NEMP1: variants seen among roughly 807,000 people sequenced by gnomAD.
NEMP1 encodes transmembrane protein 194.
Under a neutral mutation model 53.7 loss-of-function variants are expected in NEMP1, and 29 were observed. That is an observed-to-expected ratio of 0.54 (90% CI 0.40 to 0.74). The LOEUF (loss-of-function observed/expected upper bound fraction) is 0.74. Among genes scored for constraint, NEMP1 ranks in the 30% least tolerant of loss-of-function variants. The probability of loss-of-function intolerance (pLI) is 0.00; values close to 1 mark genes in which losing one functional copy is unlikely to be tolerated. For synonymous variants in NEMP1, 193 were observed against 192.9 expected (o/e 1.00, Z 0.00); for missense variants, 477 against 528.6 (o/e 0.90, Z 0.96).
At position 57,084,220 on chromosome 12, in the gene NEMP1, C is replaced by T. The variant is rs1286254534; in HGVS notation, n.113+3731G>A. 6.6e-5 allele frequency among the ~76,000 whole-genome samples: 10 copies of T among 152,182 alleles called. No individual in the cohort carries two copies. The East Asian group carries it at 1.9e-3, about 29-fold the overall frequency. On this transcript the variant is annotated intron_variant and non_coding_transcript_variant, in intron 1 of 2. Transcript: ENST00000553654. ...CAGGTGATCCACCCACCTCAGCCTC[C>T]CAAAGTGCTGAGATTAAGGGCATAA...
intron 2 of NEMP1, among the ~76,000 whole-genome samples, chr12:57,072,217 C>G (rs1421769358): frequency 2.0e-5 from 3 of 152,134 alleles, no homozygotes; most frequent in Non-Finnish European, 4.4e-5. Context: ...GTGGGCAGAT[C>G]ACCTGAGGGC....
At chr12:57,068,659 G>A (rs911979787) in intron 4 of NEMP1, among the ~76,000 whole-genome samples, 1 of 152,062 alleles carries the variant, frequency 6.6e-6, no homozygotes, top group Non-Finnish European at 1.5e-5. Context: ...TCCACCTCCT[G>A]GGTTCACGCC....
rs748932679 is a variant in NEMP1 at position 57,059,032 on chromosome 12, T to C, written c.*847A>G. The C allele has an allele frequency of 6.6e-6, 1 of 152,192 alleles. No individual in the cohort carries two copies. Among genetic ancestry groups the C allele is most frequent in the Non-Finnish European group, 1.5e-5 (1 of 68,036 alleles). The allele number at this position is 152,192 out of a possible 1,614,324, so 9.4% of individuals were successfully genotyped here. On this transcript the variant is annotated 3_prime_UTR_variant, in exon 9 of 9. Transcript: ENST00000300128. ...GTTCACAGGTAAGGGAACTGACCCT[T>C]CCTGAAAGGGCAAAGGCAGGGTAAG...
At chr12:57,086,368 GGTCT>G (rs2032992178) in intron 1 of NEMP1, among the ~76,000 whole-genome samples, 1 of 152,118 alleles carries the variant, frequency 6.6e-6, no homozygotes, top group South Asian at 2.1e-4. Context: ...CAGTTCCTCT[GGTCT>G]GTCTTTGAGA....
At chr12:57,083,436 T>C (rs965641664), upstream of NEMP1, among the ~76,000 whole-genome samples, 1 of 152,212 alleles carries the variant, frequency 6.6e-6, no homozygotes, top group Non-Finnish European at 1.5e-5. Flanking sequence ...TGCAGGTGGA[T>C]TGGATTTATG....
intron 2 of NEMP1, among the ~76,000 whole-genome samples, chr12:57,072,371 C>T (rs1217379356): frequency 1.3e-5 from 2 of 152,098 alleles, no homozygotes; most frequent in East Asian, 3.8e-4. Flanking sequence ...ACCCGGGAGG[C>T]AGAGATTGCA....
upstream of NEMP1, among the ~76,000 whole-genome samples, chr12:57,083,131 T>A (rs73118416): frequency 0.099 from 15,068 of 152,254 alleles, 774 homozygotes; most frequent in East Asian, 0.19. Context: ...CATTTTTTTT[T>A]ATCAGGCCCC....
Position 57,055,758 on chromosome 12 carries a change from CAA to C in NEMP1, c.*4119_*4120del, listed in dbSNP as rs1476775663. 1 of 152,150 alleles carries C rather than the reference CAA, an allele frequency of 6.6e-6. No individual in the cohort carries two copies. The highest frequency in any genetic ancestry group is 2.4e-5 in the African/African-American group (1 of 41,430). The allele number at this position is 152,150 out of a possible 1,614,324, so 9.4% of individuals were successfully genotyped here. A position where few individuals can be genotyped will look rare whatever the true frequency, so the allele number is the denominator to read the frequency against. On this transcript the variant is annotated 3_prime_UTR_variant, in exon 9 of 9. Transcript: ENST00000300128. Reference sequence around the variant, plus strand: ...AAGAGGGTGAAAATAAGACCCATGGCAAAGAGCCATCCCTGATAATTTTGTTC... The same window carrying C: ...AAGAGGGTGAAAATAAGACCCATGGCAGAGCCATCCCTGATAATTTTGTTC...
intron 1 of NEMP1, among the ~76,000 whole-genome samples, chr12:57,073,404 C>G (rs901844912): frequency 9.9e-5 from 15 of 152,124 alleles, no homozygotes; most frequent in Admixed American, 6.5e-4. Context: ...CTTTGGGAGG[C>G]TGAGGTGGGC....
chr12:57,064,228 C>A, intron 5 of NEMP1, 43 bp from the exon 6 acceptor site: 1 of 1,294,434 alleles, frequency 7.7e-7, no homozygotes, highest in Non-Finnish European at 1.1e-6. Context: ...TTACAACAGG[C>A]TTTCCATACA....
At position 57,058,902 on chromosome 12, in the gene NEMP1, T is replaced by C. The variant is rs1404241908; in HGVS notation, c.*977A>G. On this transcript the variant is annotated 3_prime_UTR_variant, in exon 9 of 9. Transcript: ENST00000300128. The stretch of plus-strand genomic sequence containing the variant: ...ATTTCATAGCAACTCAAAGATAACA[T>C]GACCCAATGACAGGAAAATGGAGAA... The C allele has an allele frequency of 6.6e-6, 1 of 152,110 alleles. No homozygotes were observed. The highest frequency in any genetic ancestry group is 1.5e-5 in the Non-Finnish European group (1 of 68,030). 9.4% of individuals were successfully genotyped at this position (152,110 alleles called of 1,614,324 possible). A position where few individuals can be genotyped will look rare whatever the true frequency, so the allele number is the denominator to read the frequency against.
Position 57,064,641 on chromosome 12 carries a change from C to A in NEMP1, c.639+5G>T. 1 of 1,599,272 alleles carries A rather than the reference C, an allele frequency of 6.3e-7. No homozygotes were observed. Among genetic ancestry groups the A allele is most frequent in the Non-Finnish European group, 8.5e-7 (1 of 1,170,924 alleles). On this transcript the variant is annotated splice_donor_5th_base_variant and intron_variant, in intron 5 of 8. Transcript: ENST00000300128. ...CTAGCTGCACATGAAGATTCTGATA[C>A]TTACCTTAGGCATAAACTTAGATAG...
chr12:57,084,111 C>T (rs1240250635), intron 1 of NEMP1, among the ~76,000 whole-genome samples: 1 of 152,192 alleles, frequency 6.6e-6, no homozygotes, highest in Non-Finnish European at 1.5e-5. Flanking sequence ...TACAGGCATG[C>T]GCCACCACGC....
rs1267017656 is a variant in NEMP1 at position 57,072,905 on chromosome 12, A to C, written c.135T>G (p.Thr45=). 1.2e-6 allele frequency: 2 copies of C among 1,607,988 alleles called. No individual in the cohort carries two copies. The highest frequency in any genetic ancestry group is 1.1e-5 in the South Asian group (1 of 89,574). The part of the protein sequence containing the change: ...SGCLVYGTAE[T]DVNVVMLQES... ...CCTGAAGCATGACCACATTTACATC[A>C]GTTTCAGCTTTATGCAAAGAAAGGA... The change falls in exon 2 of 9, where the codon ACT becomes ACG. Residue 45 remains threonine, a synonymous_variant. Transcript: ENST00000300128.
upstream of NEMP1, among the ~76,000 whole-genome samples, chr12:57,083,525 T>C (rs1313971199): frequency 6.6e-6 from 1 of 152,232 alleles, no homozygotes; most frequent in Non-Finnish European, 1.5e-5. Context: ...GTTTCAAAAT[T>C]TTTTGGATTT....
rs750352993 is a variant in NEMP1 at position 57,078,646 on chromosome 12, G to A, written c.100C>T (p.Leu34Phe). Residue 34 changes from leucine to phenylalanine, a missense_variant, in exon 1 of 9, where the codon CTC becomes TTC. Transcript: ENST00000300128. ...GGGTVRLLLI[L>F]SGCLVYGTAE... ...GTGCCGTAGACCAAGCAGCCGGAGA[G>A]GATCAAGAGTAGCCGCACTGTCCCA... The A allele has an allele frequency of 3.7e-6, 6 of 1,613,106 alleles. No homozygotes were observed. The Admixed American group carries it at 8.3e-5, about 22-fold the overall frequency.
upstream of NEMP1, among the ~76,000 whole-genome samples, chr12:57,078,946 A>G (rs1454986615): frequency 3.9e-5 from 6 of 152,250 alleles, no homozygotes; most frequent in Non-Finnish European, 8.8e-5. Context: ...AGCAGCTTTC[A>G]GCCTATTGGA....
chr12:57,063,382 T>A, intron 6 of NEMP1, 38 bp from the exon 7 acceptor site: 1 of 1,543,624 alleles, frequency 6.5e-7, no homozygotes, highest in Non-Finnish European at 8.9e-7. Context: ...CTTTTTCATC[T>A]ATACTTGGTA....
At chr12:57,072,757 C>T in intron 2 of NEMP1, 31 bp downstream of exon 2, 1 of 1,559,592 alleles carries the variant, frequency 6.4e-7, no homozygotes, top group Non-Finnish European at 8.7e-7. Flanking sequence ...TTTACAGAAG[C>T]TGCCACTGCC....
Sources: allele counts gnomAD v4.1 joint callset (sites outside exome capture counted in the v4.1 genomes callset), GRCh38; gene constraint gnomAD v4.1.1; transcripts MANE v1.5; gene names NCBI Gene and HGNC (gene_info 2026-07-23, HGNC 2026-07-21).